The following KAZN variants were observed in gnomAD, a reference collection of about 807,000 sequenced individuals.
KAZN encodes kazrin, periplakin interacting protein, also known as kazrin.
In KAZN, 40 loss-of-function variants were observed where a neutral mutation model predicts 87.4. That is an observed-to-expected ratio of 0.46 (90% CI 0.36 to 0.60). The LOEUF (loss-of-function observed/expected upper bound fraction) is 0.60, where lower values mean the gene tolerates loss of function less well. Among genes scored for constraint, KAZN ranks in the 20% least tolerant of loss-of-function variants. The pLI is 0.00. For synonymous variants in KAZN, 466 were observed against 458.3 expected, an observed-to-expected ratio of 1.02 and a Z score of -0.22; for missense variants, 898 against 1,073.9, an observed-to-expected ratio of 0.84 and a Z score of 2.29.
intron 2 of KAZN, among the ~76,000 whole-genome samples, chr1:15,017,085 G>A (rs986866001): frequency 2.0e-5 from 3 of 151,806 alleles, no homozygotes; most frequent in Admixed American, 6.6e-5. Flanking sequence ...ATCACCTGAG[G>A]TCAGGAGTTC....
chr1:14,101,991 G>A (rs985732371), intron 1 of KAZN, among the ~76,000 whole-genome samples: 4 of 152,062 alleles, frequency 2.6e-5, no homozygotes, highest in Non-Finnish European at 5.9e-5. Context: ...TAGAGAGAAT[G>A]AACTTCAGGA....
At chr1:14,402,238 C>CA (rs58468082) in intron 2 of KAZN, among the ~76,000 whole-genome samples, 28,892 of 140,198 alleles carry the variant, frequency 0.21, 3,080 homozygotes, top group East Asian at 0.31. Flanking sequence ...TTCTATAGGC[C>CA]AAAAAAAAAA....
intron 1 of KAZN, among the ~76,000 whole-genome samples, chr1:14,940,898 C>CTTTTTTTTTTTTTTTT (rs66777443): frequency 5.5e-5 from 3 of 54,404 alleles, no homozygotes; most frequent in African/African-American, 1.7e-4. Flanking sequence ...TTCTACCTTT[C>CTTTTTTTTTTTTTTTT]TTTTTTTTTT....
intron 2 of KAZN, among the ~76,000 whole-genome samples, chr1:14,528,976 C>T (rs142105330): frequency 6.6e-6 from 1 of 152,156 alleles, no homozygotes; most frequent in African/African-American, 2.4e-5. Context: ...TTCCAGTTAT[C>T]TTTATTCTAA....
intron 2 of KAZN, among the ~76,000 whole-genome samples, chr1:15,003,035 A>AC (rs1557705397): frequency 7.0e-6 from 1 of 142,658 alleles, no homozygotes; most frequent in African/African-American, 2.6e-5. Flanking sequence ...CACACACACA[A>AC]AATTGAGGGT....
At chr1:14,639,243 C>T (rs1040725635) in intron 1 of KAZN, among the ~76,000 whole-genome samples, 1 of 152,116 alleles carries the variant, frequency 6.6e-6, no homozygotes, top group Admixed American at 6.5e-5. Context: ...GGGAGACCTC[C>T]CATTTGGACC....
chr1:14,729,827 GT>G (rs928472211), intron 1 of KAZN, among the ~76,000 whole-genome samples: 49 of 152,104 alleles, frequency 3.2e-4, no homozygotes, highest in African/African-American at 1.1e-3. Context: ...TGGTTTTTTT[GT>G]TTGTTTGTTT....
chr1:14,294,555 A>T (rs985510513), intron 2 of KAZN, among the ~76,000 whole-genome samples: 1 of 151,598 alleles, frequency 6.6e-6, no homozygotes, highest in Non-Finnish European at 1.5e-5. Flanking sequence ...TCAGACAGCT[A>T]GTAAGGAAAG....
intron 1 of KAZN, among the ~76,000 whole-genome samples, chr1:14,622,867 T>C (rs1678823222): frequency 6.6e-6 from 1 of 152,138 alleles, no homozygotes; most frequent in African/African-American, 2.4e-5. Flanking sequence ...CTCTGATGCT[T>C]AAATACCTGT....
chr1:14,393,162 C>A (rs1382871573), intron 2 of KAZN, among the ~76,000 whole-genome samples: 2 of 152,188 alleles, frequency 1.3e-5, no homozygotes, highest in Non-Finnish European at 2.9e-5. Flanking sequence ...ATCAAACGGT[C>A]AAAGTTCACA....
intron 1 of KAZN, among the ~76,000 whole-genome samples, chr1:14,175,390 AC>A (rs1478557679): frequency 6.6e-6 from 1 of 152,228 alleles, no homozygotes; most frequent in Non-Finnish European, 1.5e-5. Flanking sequence ...GGCGTGAGCC[AC>A]CGCGCCGGGC....
At chr1:14,271,418 A>G (rs1156929952) in intron 2 of KAZN, among the ~76,000 whole-genome samples, 1 of 152,248 alleles carries the variant, frequency 6.6e-6, no homozygotes, top group Non-Finnish European at 1.5e-5. Context: ...ACTGAAATCC[A>G]TTCAAGCTAG....
intron 1 of KAZN, among the ~76,000 whole-genome samples, chr1:14,041,357 C>T (rs190430034): frequency 4.5e-4 from 69 of 152,242 alleles, no homozygotes; most frequent in Non-Finnish European, 7.4e-5. Context: ...TATGATTATA[C>T]CTTTATGATT....
chr1:14,037,406 T>C (rs968609693), intron 1 of KAZN, among the ~76,000 whole-genome samples: 6 of 152,152 alleles, frequency 3.9e-5, no homozygotes, highest in Non-Finnish European at 8.8e-5. Context: ...TTCTGATGCT[T>C]TCGTATAAAG....
At position 15,021,208 on chromosome 1, in the gene KAZN, C is replaced by T. The variant is rs1265996374; in HGVS notation, c.419-13541C>T. On this transcript the variant is annotated intron_variant, in intron 2 of 14. Coordinates refer to ENST00000376030, the MANE Select transcript of KAZN (RefSeq NM_201628.3). The surrounding 1 kb of genome is among the most constrained non-coding windows in gnomAD (Gnocchi z 4.2). ...CATTCCCTGCTCCATGCTGCCTCTT[C>T]CTCCTTTCTCAAGACCGAGCCCAGG... Among the ~76,000 whole-genome samples, 1 of 152,194 alleles carries T rather than the reference C, an allele frequency of 6.6e-6. No individual in the cohort carries two copies. Among genetic ancestry groups the T allele is most frequent in the African/African-American group, 2.4e-5 (1 of 41,446 alleles).
chr1:14,235,366 A>C (rs1648310643), intron 2 of KAZN, among the ~76,000 whole-genome samples: 1 of 152,234 alleles, frequency 6.6e-6, no homozygotes, highest in South Asian at 2.1e-4. Flanking sequence ...AGTCATATAA[A>C]GCCACGTATT....
chr1:14,624,224 C>T (rs528539125), intron 1 of KAZN, among the ~76,000 whole-genome samples: 3 of 152,208 alleles, frequency 2.0e-5, no homozygotes, highest in South Asian at 2.1e-4. Flanking sequence ...AGATCGAGAC[C>T]GTCCTGGCTA....
At chr1:14,810,641 T>C (rs1646378745) in intron 1 of KAZN, among the ~76,000 whole-genome samples, 1 of 151,080 alleles carries the variant, frequency 6.6e-6, no homozygotes, top group Non-Finnish European at 1.5e-5. Flanking sequence ...AAAAGTCTAG[T>C]ACCAAACTGC....
intron 2 of KAZN, among the ~76,000 whole-genome samples, chr1:15,014,721 T>C (rs1331476158): frequency 6.6e-6 from 1 of 152,172 alleles, no homozygotes; most frequent in Non-Finnish European, 1.5e-5. Context: ...GGCAGTTAGC[T>C]GAAAGCTGCA....
Sources: gnomAD v4.1 joint callset for allele counts (sites outside exome capture counted in the v4.1 genomes callset) on GRCh38, gnomAD v4.1.1 for gene constraint, Gnocchi (gnomAD v3.1) non-coding constraint, MANE v1.5 for transcripts, NCBI Gene and HGNC (gene_info 2026-07-23, HGNC 2026-07-21) for gene names.